Variants in ZFTRAF1 observed in about 807,000 individuals in gnomAD.
ZFTRAF1 encodes the protein zinc finger TRAF-type-containing protein 1.
the ZFTRAF1 span, among the ~76,000 whole-genome samples, chr8:144,460,445 C>T: frequency 6.6e-6 from 1 of 152,236 alleles, no homozygotes; most frequent in Non-Finnish European, 1.5e-5. Flanking sequence ...TGCAGTGCAC[C>T]AGGGACCAGT....
At chr8:144,452,290 CCA>C in the ZFTRAF1 span, 1 of 1,507,628 alleles carries the variant, frequency 6.6e-7, no homozygotes, top group East Asian at 2.5e-5. Context: ...CCTGCTGCCC[CCA>C]GACTCCTGGC....
the ZFTRAF1 span, among the ~76,000 whole-genome samples, chr8:144,459,869 G>A: frequency 1.3e-5 from 2 of 152,214 alleles, no homozygotes; most frequent in Non-Finnish European, 2.9e-5. Context: ...ACAGAGGGTG[G>A]AACCTGCTGC....
At chr8:144,459,916 C>T in the ZFTRAF1 span, among the ~76,000 whole-genome samples, 1 of 152,230 alleles carries the variant, frequency 6.6e-6, no homozygotes, top group African/African-American at 2.4e-5. Context: ...AGCCAATCAA[C>T]GTGGTCACCA....
At chr8:144,453,733 G>A in the ZFTRAF1 span, 3 of 394,370 alleles carry the variant, frequency 7.6e-6, no homozygotes, top group South Asian at 9.9e-5. Context: ...CCCTGGCAGT[G>A]ACGGGTTCAG....
the ZFTRAF1 span, chr8:144,451,861 T>C: frequency 4.6e-6 from 1 of 215,522 alleles, no homozygotes. Context: ...CTCAGCTTGT[T>C]GTGGAGCCCT....
At chr8:144,459,567 C>T in the ZFTRAF1 span, among the ~76,000 whole-genome samples, 23 of 152,354 alleles carry the variant, frequency 1.5e-4, no homozygotes, top group Admixed American at 3.3e-4. Context: ...GTCAGCTGGC[C>T]CTGCAGGCCC....
At chr8:144,459,215 G>A in the ZFTRAF1 span, among the ~76,000 whole-genome samples, 390 of 152,320 alleles carry the variant, frequency 2.6e-3, 4 homozygotes, top group Middle Eastern at 0.01. Flanking sequence ...CACTGCCCTC[G>A]GGCCGCAGAG....
the ZFTRAF1 span, among the ~76,000 whole-genome samples, chr8:144,459,928 G>A: frequency 1.3e-5 from 2 of 152,338 alleles, no homozygotes; most frequent in African/African-American, 2.4e-5. Context: ...TGGTCACCAA[G>A]GAAAGCTAGT....
chr8:144,459,233 C>G, the ZFTRAF1 span, among the ~76,000 whole-genome samples: 1 of 152,224 alleles, frequency 6.6e-6, no homozygotes, highest in Admixed American at 6.5e-5. Flanking sequence ...GAGCAGGGAG[C>G]CGGCAGGAAC....
At chr8:144,449,651 T>C in the ZFTRAF1 span, 1 of 152,346 alleles carries the variant, frequency 6.6e-6, no homozygotes, top group Non-Finnish European at 1.5e-5. Context: ...TTCACCCTGC[T>C]TTCGGAAAAT....
At chr8:144,450,626 C>T in the ZFTRAF1 span, 2 of 718,032 alleles carry the variant, frequency 2.8e-6, no homozygotes, top group Non-Finnish European at 2.6e-6. Flanking sequence ...GGAGAGCGTA[C>T]GCTTGCAGGA....
the ZFTRAF1 span, chr8:144,456,041 G>A: frequency 6.6e-6 from 1 of 152,308 alleles, no homozygotes; most frequent in Non-Finnish European, 1.5e-5. Flanking sequence ...GGGCCTCCAA[G>A]AGGACCTGCA....
the ZFTRAF1 span, chr8:144,456,933 C>T: frequency 1.4e-5 from 2 of 146,454 alleles, no homozygotes; most frequent in African/African-American, 5.1e-5. Flanking sequence ...GAGGGAATGA[C>T]ATCACAGGGG....
the ZFTRAF1 span, chr8:144,456,888 A>G: frequency 2.0e-5 from 3 of 149,008 alleles, no homozygotes; most frequent in African/African-American, 7.5e-5. Flanking sequence ...ACATCACGGA[A>G]TGACATCACA....
At chr8:144,462,218 TG>T in the ZFTRAF1 span, 3 of 466,564 alleles carry the variant, frequency 6.4e-6, no homozygotes, top group Middle Eastern at 6.0e-4. Flanking sequence ...ACGCGGATCC[TG>T]GGGCCCCGCG....
chr8:144,454,084 A>C, the ZFTRAF1 span: 1 of 152,684 alleles, frequency 6.5e-6, no homozygotes, highest in Admixed American at 6.5e-5. Flanking sequence ...GTAGGCACAC[A>C]GGGAGTGCCT....
At chr8:144,455,046 G>T in the ZFTRAF1 span, 1 of 152,258 alleles carries the variant, frequency 6.6e-6, no homozygotes, top group Non-Finnish European at 1.5e-5. Flanking sequence ...TACAGGCGGT[G>T]GCTCATGCCT....
the ZFTRAF1 span, chr8:144,452,574 G>C: frequency 4.6e-6 from 7 of 1,535,810 alleles, no homozygotes; most frequent in South Asian, 6.0e-5. Context: ...GGTTACCCTG[G>C]GGGAGGCAGG....
At chr8:144,450,844 C>G in the ZFTRAF1 span, 1 of 626,478 alleles carries the variant, frequency 1.6e-6, no homozygotes, top group Non-Finnish European at 3.0e-6. Context: ...CCTTCCCTGA[C>G]CAGGCCGAGG....
Sources: allele counts gnomAD v4.1 joint callset (sites outside exome capture counted in the v4.1 genomes callset), GRCh38; gene constraint gnomAD v4.1.1; transcripts MANE v1.5; gene names NCBI Gene and HGNC (gene_info 2026-07-23, HGNC 2026-07-21).